Variants in GALNTL6 observed in about 807,000 individuals in gnomAD.
GALNTL6 encodes polypeptide N-acetylgalactosaminyltransferase like 6, also known as polypeptide N-acetylgalactosaminyltransferase-like 6.
GALNTL6 carries 46 observed loss-of-function variants against 73.7 expected under a neutral mutation model. That is an observed-to-expected ratio of 0.62 (90% CI 0.49 to 0.80). GALNTL6 has a LOEUF of 0.80. Among genes scored for constraint, GALNTL6 ranks in the 30% least tolerant of loss-of-function variants. The pLI, the probability that GALNTL6 is intolerant of heterozygous loss-of-function variation, is 0.00. For synonymous variants in GALNTL6, 259 were observed against 263.7 expected, an observed-to-expected ratio of 0.98 and a Z score of 0.17; for missense variants, 604 against 755.0, an observed-to-expected ratio of 0.80 and a Z score of 2.34.
Position 172,356,132 on chromosome 4 carries a change from C to T in GALNTL6, c.553+7443C>T, listed in dbSNP as rs149057279. 4.1e-4 allele frequency among the ~76,000 whole-genome samples: 62 copies of T among 152,218 alleles called. 3 individuals are homozygous for T. The East Asian group carries it at 0.011, about 27-fold the overall frequency. The stretch of plus-strand genomic sequence containing the variant: ...AAGCAAAACTGTTACAGCTCACCAA[C>T]GTCACAAAGGCATGACTTCCTCAAG... On this transcript the variant is annotated intron_variant, in intron 5 of 12. Transcript: ENST00000506823.
At chr4:172,140,308 T>C (rs1440774748) in intron 2 of GALNTL6, among the ~76,000 whole-genome samples, 1 of 152,078 alleles carries the variant, frequency 6.6e-6, no homozygotes, top group Non-Finnish European at 1.5e-5. Context: ...TAAAATATAG[T>C]ACTCAGGAGA....
chr4:172,639,283 C>G (rs1739849842), intron 5 of GALNTL6, among the ~76,000 whole-genome samples: 1 of 152,116 alleles, frequency 6.6e-6, no homozygotes, highest in Admixed American at 6.6e-5. Context: ...ACTGGGACCT[C>G]CATTCCGTTG....
At chr4:173,021,662 T>C (rs1752996371) in intron 12 of GALNTL6, 37 bp downstream of exon 12, 2 of 1,606,496 alleles carry the variant, frequency 1.2e-6, no homozygotes, top group Non-Finnish European at 1.7e-6. Context: ...CTCAAATTAC[T>C]GTGGTTTAAG....
chr4:171,941,811 G>A (rs1738553559), intron 2 of GALNTL6, among the ~76,000 whole-genome samples: 1 of 152,006 alleles, frequency 6.6e-6, no homozygotes, highest in African/African-American at 2.4e-5. Flanking sequence ...TTCACAAAGA[G>A]GTATATGGCT....
At chr4:172,182,104 A>G (rs138067405) in intron 2 of GALNTL6, among the ~76,000 whole-genome samples, 33 of 152,320 alleles carry the variant, frequency 2.2e-4, no homozygotes, top group African/African-American at 7.2e-4. Flanking sequence ...AAGCATTTCT[A>G]TACACCAGTA....
At chr4:172,732,854 C>T (rs77549773) in intron 5 of GALNTL6, among the ~76,000 whole-genome samples, 1,525 of 152,318 alleles carry the variant, frequency 0.01, 22 homozygotes, top group Admixed American at 0.035. Flanking sequence ...CACTTTATCT[C>T]CATCTGCCTT....
At chr4:172,112,042 A>G (rs1579150499) in intron 2 of GALNTL6, among the ~76,000 whole-genome samples, 2 of 152,148 alleles carry the variant, frequency 1.3e-5, no homozygotes, top group Non-Finnish European at 2.9e-5. Context: ...TCACTGTCCT[A>G]AAAATCTTTG....
At chr4:172,647,034 G>T (rs1486360520) in intron 5 of GALNTL6, among the ~76,000 whole-genome samples, 1 of 152,056 alleles carries the variant, frequency 6.6e-6, no homozygotes, top group Non-Finnish European at 1.5e-5. Flanking sequence ...ATGTAAAGAT[G>T]AAGTAAGAGC....
At chr4:172,265,004 G>A (rs1485175202) in intron 3 of GALNTL6, among the ~76,000 whole-genome samples, 1 of 151,678 alleles carries the variant, frequency 6.6e-6, no homozygotes, top group Non-Finnish European at 1.5e-5. Flanking sequence ...CAAAAAGCTG[G>A]TATTGTTGTT....
chr4:172,065,493 A>G (rs747932494), intron 2 of GALNTL6, among the ~76,000 whole-genome samples: 8 of 152,100 alleles, frequency 5.3e-5, no homozygotes, highest in Admixed American at 4.6e-4. Flanking sequence ...CAAATGTAAC[A>G]TCATAGGTAG....
intron 5 of GALNTL6, among the ~76,000 whole-genome samples, chr4:172,510,079 G>A (rs1309187662): frequency 1.8e-5 from 1 of 55,010 alleles, no homozygotes; most frequent in Non-Finnish European, 4.2e-5. Context: ...ATGAGCATGG[G>A]ATGTGTTTCC....
At chr4:172,539,896 TATATATATATAA>T (rs949840586) in intron 5 of GALNTL6, among the ~76,000 whole-genome samples, 9 of 138,248 alleles carry the variant, frequency 6.5e-5, no homozygotes, top group South Asian at 2.2e-4. Context: ...TATATATATA[TATATATATATAA>T]AAAATCTCAT....
At chr4:172,325,809 AAT>A (rs1740921591) in intron 4 of GALNTL6, among the ~76,000 whole-genome samples, 1 of 151,868 alleles carries the variant, frequency 6.6e-6, no homozygotes, top group Non-Finnish European at 1.5e-5. Context: ...AATACTAAAA[AAT>A]ATATATAAAT....
At chr4:172,085,700 T>C (rs1028631199) in intron 2 of GALNTL6, among the ~76,000 whole-genome samples, 1 of 151,598 alleles carries the variant, frequency 6.6e-6, no homozygotes, top group East Asian at 1.9e-4. Flanking sequence ...AATATAAATG[T>C]ATTTAAAAAT....
Position 172,197,789 on chromosome 4 carries a change from C to T in GALNTL6, c.139-31867C>T, listed in dbSNP as rs553218243. The stretch of plus-strand genomic sequence containing the variant: ...CTTACACCTTATAAAAAAATTAACT[C>T]AAGATGAATTAAAGACTCAAATATA... On this transcript the variant is annotated intron_variant, in intron 2 of 12. Coordinates refer to ENST00000506823, the MANE Select transcript of GALNTL6 (RefSeq NM_001034845.3). Among the ~76,000 whole-genome samples the T allele has an allele frequency of 4.9e-4, 74 of 152,126 alleles. 2 individuals are homozygous for T. Among genetic ancestry groups the T allele is most frequent in the South Asian group, 2.1e-4 (1 of 4,812 alleles).
At chr4:172,023,088 A>G (rs981289542) in intron 2 of GALNTL6, among the ~76,000 whole-genome samples, 1 of 151,932 alleles carries the variant, frequency 6.6e-6, no homozygotes, top group African/African-American at 2.4e-5. Context: ...CTTTTCCAGT[A>G]CCATTGAAGA....
intron 5 of GALNTL6, among the ~76,000 whole-genome samples, chr4:172,643,519 G>T (rs562832285): frequency 6.6e-6 from 1 of 152,004 alleles, no homozygotes; most frequent in South Asian, 2.1e-4. Flanking sequence ...TCAGAATATT[G>T]CTAGAATATT....
intron 10 of GALNTL6, among the ~76,000 whole-genome samples, chr4:172,993,070 G>T (rs986531110): frequency 3.3e-5 from 5 of 152,102 alleles, no homozygotes; most frequent in Non-Finnish European, 7.4e-5. Context: ...CTTTGCAAAG[G>T]CAGTTCATCT....
chr4:172,638,513 C>T (rs1274858272), intron 5 of GALNTL6, among the ~76,000 whole-genome samples: 4 of 152,106 alleles, frequency 2.6e-5, no homozygotes, highest in South Asian at 2.1e-4. Context: ...TCCCCTCTCT[C>T]TGGTACCTCA....
Sources: gnomAD v4.1 joint callset for allele counts (sites outside exome capture counted in the v4.1 genomes callset) on GRCh38, gnomAD v4.1.1 for gene constraint, MANE v1.5 for transcripts, NCBI Gene and HGNC (gene_info 2026-07-23, HGNC 2026-07-21) for gene names.